The following ZNF385D variants were observed in gnomAD, a reference collection of about 807,000 sequenced individuals.
ZNF385D encodes zinc finger protein 659.
In ZNF385D, 15 loss-of-function variants were observed where a neutral mutation model predicts 35.8. The ratio of observed to expected loss-of-function variants is 0.42; its 90% CI spans 0.28 to 0.64. The LOEUF (loss-of-function observed/expected upper bound fraction) is 0.64, where lower values mean the gene tolerates loss of function less well. ZNF385D is among the 30% of genes least tolerant of loss of function. The pLI is 0.23. For missense variants in ZNF385D, 474 were observed against 494.6 expected (o/e 0.96, Z 0.39); for synonymous variants, 212 against 186.8 (o/e 1.13, Z -1.10).
At chr3:21,966,311 A>G (rs1385793850) in intron 3 of ZNF385D, among the ~76,000 whole-genome samples, 1 of 152,224 alleles carries the variant, frequency 6.6e-6, no homozygotes, top group African/African-American at 2.4e-5. Context: ...CTGAACTGGT[A>G]GTAAATTTTA....
At chr3:22,058,459 T>C (rs534270941) in intron 3 of ZNF385D, among the ~76,000 whole-genome samples, 1 of 152,296 alleles carries the variant, frequency 6.6e-6, no homozygotes, top group East Asian at 1.9e-4. Flanking sequence ...TACTTACTCA[T>C]AGCCTCTTTA....
upstream of ZNF385D, among the ~76,000 whole-genome samples, chr3:21,755,322 G>T (rs566595626): frequency 6.6e-6 from 1 of 152,032 alleles, no homozygotes; most frequent in Non-Finnish European, 1.5e-5. Flanking sequence ...CCACTCCTTT[G>T]CTCAGTATTC....
chr3:21,659,463 G>GA (rs1378163656), intron 2 of ZNF385D, among the ~76,000 whole-genome samples: 1 of 152,138 alleles, frequency 6.6e-6, no homozygotes, highest in East Asian at 1.9e-4. Flanking sequence ...GTAATCAGTT[G>GA]AAACGCAAGT....
intron 3 of ZNF385D, among the ~76,000 whole-genome samples, chr3:21,555,368 C>A (rs1202839982): frequency 6.6e-6 from 1 of 152,052 alleles, no homozygotes; most frequent in African/African-American, 2.4e-5. Context: ...CCTCCCCTAG[C>A]CCCCTGACCC....
chr3:21,418,306 A>ATCCCT lies in ZNF385D; in HGVS notation c.*2907_*2908insAGGGA, dbSNP rs1700598617. The ATCCCT allele has an allele frequency of 6.6e-6, 1 of 152,140 alleles. No individual in the cohort carries two copies. The highest frequency in any genetic ancestry group is 1.5e-5 in the Non-Finnish European group (1 of 68,016). 9.4% of individuals were successfully genotyped at this position (152,140 alleles called of 1,614,324 possible). ...ATTGTGGATCTTTATTCATGAAAAAAGTTCCCTAAGGGAAAAGATACAGTT... is the reference window on the plus strand; with the variant it reads ...ATTGTGGATCTTTATTCATGAAAAAATCCCTGTTCCCTAAGGGAAAAGATACAGTT... On this transcript the variant is annotated 3_prime_UTR_variant, in exon 8 of 8. Transcript: ENST00000281523.
intron 1 of ZNF385D, among the ~76,000 whole-genome samples, chr3:21,670,435 C>T (rs1442551455): frequency 6.6e-6 from 1 of 151,596 alleles, no homozygotes; most frequent in African/African-American, 2.4e-5. Context: ...ATTTAATAAG[C>T]AACTAATTTG....
intron 3 of ZNF385D, among the ~76,000 whole-genome samples, chr3:22,005,969 C>T (rs1418597135): frequency 6.6e-6 from 1 of 151,980 alleles, no homozygotes; most frequent in Non-Finnish European, 1.5e-5. Context: ...TTTCTTCTTC[C>T]CTCTTTCTCT....
rs906848610 is a variant in ZNF385D at position 21,969,379 on chromosome 3, T to C, written c.325+199438A>G. Among the ~76,000 whole-genome samples the C allele has an allele frequency of 5.9e-5, 9 of 152,136 alleles. No individual in the cohort carries two copies. The South Asian group carries it at 1.7e-3, about 28-fold the overall frequency. The stretch of plus-strand genomic sequence containing the variant: ...GAGTTCTCACAAGATCTGATGGTTT[T>C]ATAAGGGGCTCATCCCTCTTTGCTC... On this transcript the variant is annotated intron_variant, in intron 3 of 5. Coordinates refer to the ZNF385D transcript ENST00000494108.
chr3:21,661,986 G>C (rs1464553422), intron 2 of ZNF385D, among the ~76,000 whole-genome samples: 2 of 152,000 alleles, frequency 1.3e-5, no homozygotes, highest in Non-Finnish European at 2.9e-5. Flanking sequence ...TTATGTTTCT[G>C]CCAACTCTAT....
intron 2 of ZNF385D, among the ~76,000 whole-genome samples, chr3:22,218,515 CTG>C (rs1463933734): frequency 1.3e-5 from 2 of 152,094 alleles, no homozygotes; most frequent in East Asian, 3.9e-4. Flanking sequence ...ACACACACAA[CTG>C]TATCTGCGAT....
chr3:22,287,279 C>T (rs1025163604), intron 2 of ZNF385D, among the ~76,000 whole-genome samples: 2 of 151,944 alleles, frequency 1.3e-5, no homozygotes, highest in Non-Finnish European at 2.9e-5. Context: ...AAATGAGTCT[C>T]TTAAAGTGAG....
At chr3:22,365,613 C>T (rs1327608574) in intron 2 of ZNF385D, among the ~76,000 whole-genome samples, 1 of 151,964 alleles carries the variant, frequency 6.6e-6, no homozygotes, top group Non-Finnish European at 1.5e-5. Flanking sequence ...TAACACACCA[C>T]CAAAATAAAG....
chr3:22,288,109 T>TAA (rs201677253), intron 2 of ZNF385D, among the ~76,000 whole-genome samples: 1 of 151,244 alleles, frequency 6.6e-6, no homozygotes, highest in Non-Finnish European at 1.5e-5. Flanking sequence ...ATGTTTTTGC[T>TAA]AAAAAAAAAT....
intron 2 of ZNF385D, among the ~76,000 whole-genome samples, chr3:22,372,067 G>T (rs536732120): frequency 6.6e-6 from 1 of 152,096 alleles, no homozygotes; most frequent in Admixed American, 6.5e-5. Flanking sequence ...ACAGCAGGAC[G>T]TCCTTACCGG....
intron 4 of ZNF385D, among the ~76,000 whole-genome samples, chr3:21,505,489 C>A (rs554305011): frequency 2.7e-4 from 41 of 152,138 alleles, no homozygotes; most frequent in Non-Finnish European, 5.4e-4. Flanking sequence ...TCTAACTGTT[C>A]TAACTATCAC....
At chr3:22,079,656 T>G (rs1018210734) in intron 3 of ZNF385D, among the ~76,000 whole-genome samples, 5 of 152,184 alleles carry the variant, frequency 3.3e-5, no homozygotes, top group African/African-American at 1.2e-4. Context: ...GAAGATTATT[T>G]TGGTTTCATT....
chr3:21,672,728 A>G (rs904166339), intron 1 of ZNF385D, among the ~76,000 whole-genome samples: 3 of 152,176 alleles, frequency 2.0e-5, no homozygotes, highest in African/African-American at 7.2e-5. Flanking sequence ...GAAGGAAGCT[A>G]GGAAAGAAGC....
intron 2 of ZNF385D, among the ~76,000 whole-genome samples, chr3:22,318,084 T>A (rs542071687): frequency 3.8e-4 from 57 of 151,732 alleles, no homozygotes; most frequent in Non-Finnish European, 5.7e-4. Flanking sequence ...AAATGTGAAT[T>A]AGAGTGCCAG....
intron 3 of ZNF385D, among the ~76,000 whole-genome samples, chr3:21,769,890 T>C (rs536534877): frequency 6.6e-6 from 1 of 151,316 alleles, no homozygotes; most frequent in Non-Finnish European, 1.5e-5. Flanking sequence ...AAAACAGAGA[T>C]ATAGACCAAT....
Sources: gnomAD v4.1 joint callset for allele counts (sites outside exome capture counted in the v4.1 genomes callset) on GRCh38, gnomAD v4.1.1 for gene constraint, MANE v1.5 for transcripts, NCBI Gene and HGNC (gene_info 2026-07-23, HGNC 2026-07-21) for gene names.